Variants in BMPR2 observed in about 807,000 individuals in gnomAD.
BMPR2 encodes the protein bone morphogenetic protein receptor type 2, also known as bone morphogenetic protein receptor type-2.
BMPR2 carries 29 observed loss-of-function variants against 100.8 expected under a neutral mutation model. That is an observed-to-expected ratio of 0.29 (90% CI 0.21 to 0.39). The LOEUF (loss-of-function observed/expected upper bound fraction) is 0.39, where lower values mean the gene tolerates loss of function less well. BMPR2 is among the 10% of genes least tolerant of loss of function. The probability of loss-of-function intolerance (pLI) is 1.00; values close to 1 mark genes in which losing one functional copy is unlikely to be tolerated. For synonymous variants in BMPR2, 382 were observed against 442.3 expected, an observed-to-expected ratio of 0.86 and a Z score of 1.71; for missense variants, 1,011 against 1,274.5, an observed-to-expected ratio of 0.79 and a Z score of 3.15.
chr2:202,553,988 C>T (rs1437635741), intron 11 of BMPR2, among the ~76,000 whole-genome samples: 1 of 152,188 alleles, frequency 6.6e-6, no homozygotes, highest in Non-Finnish European at 1.5e-5. Flanking sequence ...AGCCACCGTG[C>T]CCGGCCTATT....
At chr2:202,521,629 G>C (rs911495867) in intron 7 of BMPR2, among the ~76,000 whole-genome samples, 4 of 151,944 alleles carry the variant, frequency 2.6e-5, no homozygotes, top group African/African-American at 9.7e-5. Flanking sequence ...TTGTGAATGG[G>C]GAATCTGTTT....
At position 202,419,466 on chromosome 2, in the gene BMPR2, C is replaced by G. The variant is rs1352870326; in HGVS notation, c.76+41916C>G. 2.6e-5 allele frequency among the ~76,000 whole-genome samples: 4 copies of G among 152,282 alleles called. No individual in the cohort carries two copies. In the South Asian group the frequency reaches 6.2e-4, roughly 24 times the overall value. ...CTGCTGCCCAGGTTTAAGCGATTCT[C>G]TTGCCTTAGCCTCCTGAGTAGCTGG... is the stretch of plus-strand genomic sequence containing the variant. On this transcript the variant is annotated intron_variant, in intron 1 of 12. Transcript: ENST00000374580.
Position 202,534,242 on chromosome 2 carries a change from ATTT to A in BMPR2, c.1276+1513_1276+1515del, listed in dbSNP as rs959904034. Among the ~76,000 whole-genome samples the A allele has an allele frequency of 3.4e-5, 5 of 147,230 alleles. No individual in the cohort carries two copies. In the East Asian group the frequency reaches 9.7e-4, roughly 29 times the overall value. On this transcript the variant is annotated intron_variant, in intron 9 of 12. Transcript: ENST00000374580. ...GTGTGTATATATATATATAAATAAA[ATTT>A]TTATTTATTTATTTATTTATTTATT... is the stretch of plus-strand genomic sequence containing the variant.
chr2:202,391,902 C>T (rs1382038747), intron 1 of BMPR2, among the ~76,000 whole-genome samples: 1 of 149,628 alleles, frequency 6.7e-6, no homozygotes, highest in African/African-American at 2.5e-5. Flanking sequence ...GCTGGGACTA[C>T]AGGCGCGCGC....
chr2:202,509,508 T>C (rs1466279238), intron 3 of BMPR2, among the ~76,000 whole-genome samples: 1 of 151,884 alleles, frequency 6.6e-6, no homozygotes, highest in Non-Finnish European at 1.5e-5. Flanking sequence ...GTTAGCTATA[T>C]GCAATGTTCT....
Position 202,559,863 on chromosome 2 carries a change from A to G in BMPR2, c.3034A>G (p.Lys1012Glu). The change falls in exon 13 of 13, where the codon AAA (lysine) becomes GAA (glutamate). Residue 1012 changes from lysine (K) to glutamate (E), a missense_variant. Coordinates refer to ENST00000374580, the MANE Select transcript of BMPR2 (RefSeq NM_001204.7). The stretch of plus-strand genomic sequence containing the variant: ...TGGCAGTAACAGGGCAGTTCATTCC[A>G]AATCCAGCACTGCTGTTTACCTTGC... ...NNGSNRAVHS[K>E]SSTAVYLAEG... 2.5e-6 allele frequency: 4 copies of G among 1,614,186 alleles called. No individual in the cohort carries two copies. Among genetic ancestry groups the G allele is most frequent in the Middle Eastern group, 3.3e-4 (2 of 6,062 alleles).
intron 10 of BMPR2, among the ~76,000 whole-genome samples, chr2:202,551,340 C>G (rs1049825911): frequency 5.3e-5 from 8 of 150,706 alleles, no homozygotes; most frequent in African/African-American, 1.7e-4. Flanking sequence ...CATAGTGAAA[C>G]CCCGTCTCTA....
chr2:202,509,208 T>C (rs1319314303), intron 3 of BMPR2, among the ~76,000 whole-genome samples: 2 of 152,106 alleles, frequency 1.3e-5, no homozygotes, highest in African/African-American at 4.8e-5. Flanking sequence ...TTAGTATCTC[T>C]TATTTTGAAT....
In BMPR2 at chr2:202,563,544, G is replaced by A. The variant is rs779032692; in HGVS notation, c.*3598G>A. 1 of 152,182 alleles carries A rather than the reference G, an allele frequency of 6.6e-6. No individual in the cohort carries two copies. The highest frequency in any genetic ancestry group is 6.5e-5 in the Admixed American group (1 of 15,268). The allele number at this position is 152,182 out of a possible 1,614,324, so 9.4% of individuals were successfully genotyped here. On this transcript the variant is annotated 3_prime_UTR_variant, in exon 13 of 13. Transcript: ENST00000374580. ...GGGAAGTTAGGCAAATATGAGATAT[G>A]TAGACATATCTATGCTGATTGTTGC...
At chr2:202,396,738 C>T (rs980629502) in intron 1 of BMPR2, among the ~76,000 whole-genome samples, 3 of 152,146 alleles carry the variant, frequency 2.0e-5, no homozygotes, top group African/African-American at 4.8e-5. Context: ...TTTACAGATA[C>T]AGCAACAATG....
intron 12 of BMPR2, among the ~76,000 whole-genome samples, chr2:202,559,234 A>G (rs1041648907): frequency 6.6e-6 from 1 of 151,856 alleles, no homozygotes; most frequent in Admixed American, 6.6e-5. Flanking sequence ...CCCGGGAAAC[A>G]GAGGTTGCAG....
At chr2:202,434,919 A>G (rs1279949971) in intron 1 of BMPR2, among the ~76,000 whole-genome samples, 1 of 114,728 alleles carries the variant, frequency 8.7e-6, no homozygotes, top group Non-Finnish European at 1.8e-5. Context: ...ATATATATAT[A>G]TATATATATA....
At chr2:202,458,283 C>CA (rs71035009) in intron 1 of BMPR2, among the ~76,000 whole-genome samples, 3,201 of 52,038 alleles carry the variant, frequency 0.062, 224 homozygotes, top group Non-Finnish European at 0.081. Context: ...CTTGTCTCTG[C>CA]AAAAAAAAAA....
intron 1 of BMPR2, among the ~76,000 whole-genome samples, chr2:202,414,048 A>G (rs191389129): frequency 1.3e-5 from 2 of 152,338 alleles, no homozygotes; most frequent in East Asian, 1.9e-4. Context: ...CACTTCACAG[A>G]TAACTGTGTT....
At chr2:202,491,882 G>A (rs1692908830) in intron 3 of BMPR2, among the ~76,000 whole-genome samples, 2 of 152,128 alleles carry the variant, frequency 1.3e-5, no homozygotes, top group Admixed American at 6.5e-5. Flanking sequence ...TTTGTGGAAT[G>A]TAAAAGGAAT....
At chr2:202,406,765 A>G (rs377036330) in intron 1 of BMPR2, among the ~76,000 whole-genome samples, 1 of 152,160 alleles carries the variant, frequency 6.6e-6, no homozygotes, top group African/African-American at 2.4e-5. Context: ...TGGTAATTCA[A>G]GTGTTTCACT....
At chr2:202,413,957 C>T (rs1266878182) in intron 1 of BMPR2, among the ~76,000 whole-genome samples, 5 of 152,178 alleles carry the variant, frequency 3.3e-5, no homozygotes, top group Non-Finnish European at 5.9e-5. Context: ...AGCCACCACG[C>T]CCAACCTTAT....
Position 202,495,382 on chromosome 2 carries a change from C to G in BMPR2, c.419-18337C>G, listed in dbSNP as rs551826126. On this transcript the variant is annotated intron_variant, in intron 3 of 12. Transcript: ENST00000374580. This position sits in a 1 kb window ranked among gnomAD's most constrained non-coding sequence, Gnocchi z 4.5. ...CCCCAGCCAAACTCCGCGTCGTTGT[C>G]GTTCTGTCGACGGCCTGCCGGCGTG... is the stretch of plus-strand genomic sequence containing the variant. Among the ~76,000 whole-genome samples, 1 of 152,210 alleles carries G rather than the reference C, an allele frequency of 6.6e-6. No homozygotes were observed. The highest frequency in any genetic ancestry group is 2.4e-5 in the African/African-American group (1 of 41,452).
intron 3 of BMPR2, among the ~76,000 whole-genome samples, chr2:202,506,171 T>A (rs1285989080): frequency 1.3e-5 from 2 of 152,050 alleles, no homozygotes; most frequent in Admixed American, 6.5e-5. Flanking sequence ...TTAATTAATT[T>A]TTTTTTTGAG....
Sources: allele counts gnomAD v4.1 joint callset (sites outside exome capture counted in the v4.1 genomes callset), GRCh38; gene constraint gnomAD v4.1.1; non-coding constraint Gnocchi (gnomAD v3.1); transcripts MANE v1.5; gene names NCBI Gene and HGNC (gene_info 2026-07-23, HGNC 2026-07-21).